Variants in NRXN1 observed in about 807,000 individuals in gnomAD.
NRXN1 encodes the protein neurexin-1.
A neutral mutation model predicts 150.9 loss-of-function variants in NRXN1; 39 were observed. The ratio of observed to expected loss-of-function variants is 0.26; its 90% CI spans 0.20 to 0.34. The LOEUF (loss-of-function observed/expected upper bound fraction) is 0.34, where lower values mean the gene tolerates loss of function less well. NRXN1 is among the 10% of genes least tolerant of loss of function. NRXN1 has a pLI of 1.00. For missense variants in NRXN1, 1,815 were observed against 1,949.9 expected (o/e 0.93, Z 1.30); for synonymous variants, 924 against 757.0 (o/e 1.22, Z -3.62).
At chr2:50,308,191 T>C (rs1023049102) in intron 17 of NRXN1, among the ~76,000 whole-genome samples, 1 of 152,214 alleles carries the variant, frequency 6.6e-6, no homozygotes, top group African/African-American at 2.4e-5. Context: ...AATCAAGCTG[T>C]ACATTAGATC....
intron 17 of NRXN1, among the ~76,000 whole-genome samples, chr2:50,418,819 A>G (rs894538059): frequency 2.0e-5 from 3 of 152,056 alleles, no homozygotes; most frequent in Non-Finnish European, 2.9e-5. Flanking sequence ...TAAAAATATT[A>G]AAATATATAT....
intron 17 of NRXN1, among the ~76,000 whole-genome samples, chr2:50,343,996 T>G (rs1023538538): frequency 6.6e-6 from 1 of 152,174 alleles, no homozygotes; most frequent in African/African-American, 2.4e-5. Context: ...CAGCTATGAA[T>G]TTATCATATT....
At chr2:50,949,016 T>C (rs994232683) in intron 2 of NRXN1, among the ~76,000 whole-genome samples, 1 of 152,040 alleles carries the variant, frequency 6.6e-6, no homozygotes, top group South Asian at 2.1e-4. Context: ...AGAAAACTGC[T>C]AGATCTGTTC....
chr2:50,019,641 CAAA>C (rs764073226), intron 21 of NRXN1, among the ~76,000 whole-genome samples: 422 of 25,542 alleles, frequency 0.017, 9 homozygotes, highest in Middle Eastern at 0.12. Flanking sequence ...GATTCCGTCT[CAAA>C]AAAAAAAAAA....
intron 21 of NRXN1, among the ~76,000 whole-genome samples, chr2:49,953,282 C>G (rs1490443322): frequency 6.6e-6 from 1 of 152,056 alleles, no homozygotes; most frequent in Non-Finnish European, 1.5e-5. Flanking sequence ...CTGCATGCCC[C>G]CAAATAAGCC....
intron 17 of NRXN1, among the ~76,000 whole-genome samples, chr2:50,299,164 T>C (rs1205143268): frequency 6.6e-6 from 1 of 152,182 alleles, no homozygotes; most frequent in Admixed American, 6.5e-5. Context: ...CTTCTGGCTT[T>C]ATACAATTGC....
chr2:51,013,426 T>A (rs1358102165), intron 2 of NRXN1, among the ~76,000 whole-genome samples: 1 of 151,656 alleles, frequency 6.6e-6, no homozygotes, highest in East Asian at 1.9e-4. Flanking sequence ...CTGTGAATTA[T>A]AACTTCAGAC....
At chr2:50,436,133 C>T (rs543779540) in intron 17 of NRXN1, among the ~76,000 whole-genome samples, 1 of 152,158 alleles carries the variant, frequency 6.6e-6, no homozygotes, top group South Asian at 2.1e-4. Flanking sequence ...TCCTGGTAAC[C>T]AGCTCCCCTA....
chr2:50,594,421 C>G (rs13419154), intron 8 of NRXN1, among the ~76,000 whole-genome samples: 1 of 151,942 alleles, frequency 6.6e-6, no homozygotes, highest in East Asian at 1.9e-4. Context: ...TCAGCACTGT[C>G]GGGGAACCTT....
intron 8 of NRXN1, among the ~76,000 whole-genome samples, chr2:50,555,850 G>A (rs1029204863): frequency 1.3e-5 from 2 of 152,152 alleles, no homozygotes; most frequent in African/African-American, 4.8e-5. Context: ...GTTGGCCCAT[G>A]CATTGGGAAA....
rs1438978022 is a variant in NRXN1 at position 50,975,784 on chromosome 2, GTCAA to G, written c.773-49833_773-49830del. 3.9e-5 allele frequency among the ~76,000 whole-genome samples: 6 copies of G among 152,130 alleles called. No homozygotes were observed. The East Asian group carries it at 9.7e-4, about 25-fold the overall frequency. ...TTCATAGGCCTGAGGATTCATACCA[GTCAA>G]TCAAACTACCCCATACCTTTGGTAC... On this transcript the variant is annotated intron_variant, in intron 2 of 22. Coordinates refer to ENST00000401669, the MANE Select transcript of NRXN1 (RefSeq NM_001330078.2).
At chr2:50,564,259 A>G (rs1474789985) in intron 8 of NRXN1, among the ~76,000 whole-genome samples, 2 of 152,202 alleles carry the variant, frequency 1.3e-5, no homozygotes, top group Non-Finnish European at 2.9e-5. Context: ...TACCTAAATA[A>G]AGGGTAGTCA....
At chr2:49,986,573 G>A (rs1251633043) in intron 21 of NRXN1, among the ~76,000 whole-genome samples, 1 of 152,116 alleles carries the variant, frequency 6.6e-6, no homozygotes, top group Non-Finnish European at 1.5e-5. Flanking sequence ...ATGAAACAAT[G>A]AGAATGAAAA....
chr2:50,081,989 T>A (rs1573800438), intron 19 of NRXN1, among the ~76,000 whole-genome samples: 1 of 152,296 alleles, frequency 6.6e-6, no homozygotes, highest in East Asian at 1.9e-4. Flanking sequence ...AAAATATAAA[T>A]ATTAAAATCA....
intron 5 of NRXN1, among the ~76,000 whole-genome samples, chr2:50,882,333 G>A (rs1001174891): frequency 1.3e-5 from 2 of 151,780 alleles, no homozygotes; most frequent in African/African-American, 4.8e-5. Context: ...AATTCAAAAA[G>A]TATATAATAA....
At chr2:50,210,426 T>A (rs928680778) in intron 18 of NRXN1, among the ~76,000 whole-genome samples, 1 of 151,888 alleles carries the variant, frequency 6.6e-6, no homozygotes, top group African/African-American at 2.4e-5. Context: ...TGCACCCACA[T>A]TCACAGGTAT....
chr2:49,951,223 C>T (rs1370417480), intron 21 of NRXN1, among the ~76,000 whole-genome samples: 1 of 151,820 alleles, frequency 6.6e-6, no homozygotes, highest in African/African-American at 2.4e-5. Context: ...AAGAATAAAA[C>T]TGAATTTTTG....
intron 18 of NRXN1, among the ~76,000 whole-genome samples, chr2:50,094,697 T>C (rs190236569): frequency 1.3e-4 from 19 of 151,820 alleles, no homozygotes; most frequent in Non-Finnish European, 8.8e-5. Context: ...TGTAGAATTG[T>C]ATTGTATCCT....
rs116181905 is a variant in NRXN1 at position 50,441,498 on chromosome 2, A to G, written c.3364+23944T>C. 4.1e-3 allele frequency among the ~76,000 whole-genome samples: 626 copies of G among 152,300 alleles called. 3 individuals are homozygous for G. The highest frequency in any genetic ancestry group is 0.014 in the African/African-American group (570 of 41,572). On this transcript the variant is annotated intron_variant, in intron 17 of 22. Coordinates refer to ENST00000401669, the MANE Select transcript of NRXN1 (RefSeq NM_001330078.2). ...TATTAAAATTCACCCTATAATTTTAATTGGGATAAATGGCATTTGTTCTTT... is the reference window on the plus strand; with the variant it reads ...TATTAAAATTCACCCTATAATTTTAGTTGGGATAAATGGCATTTGTTCTTT...
Sources: gnomAD v4.1 joint callset for allele counts (sites outside exome capture counted in the v4.1 genomes callset) on GRCh38, gnomAD v4.1.1 for gene constraint, MANE v1.5 for transcripts, NCBI Gene and HGNC (gene_info 2026-07-23, HGNC 2026-07-21) for gene names.